Variants in GSS observed in about 807,000 individuals in gnomAD.
GSS encodes the protein GSH synthetase.
GSS carries 34 observed loss-of-function variants against 60.4 expected under a neutral mutation model. That is an observed-to-expected ratio of 0.56 (90% CI 0.43 to 0.75). The LOEUF (loss-of-function observed/expected upper bound fraction) is 0.75. Among genes scored for constraint, GSS ranks in the 30% least tolerant of loss-of-function variants. The probability of loss-of-function intolerance (pLI) is 0.00; values close to 1 mark genes in which losing one functional copy is unlikely to be tolerated. For synonymous variants in GSS, 224 were observed against 239.0 expected (o/e 0.94, Z 0.58); for missense variants, 499 against 595.1 (o/e 0.84, Z 1.68).
intron 1 of GSS, among the ~76,000 whole-genome samples, chr20:34,953,070 T>C (rs1024619369): frequency 7.9e-5 from 12 of 152,206 alleles, no homozygotes; most frequent in Admixed American, 7.9e-4. Flanking sequence ...AGTTGTCTGA[T>C]TGGTTGCCCA....
At chr20:34,950,863 G>T (rs775211472) in intron 2 of GSS, among the ~76,000 whole-genome samples, 1 of 152,134 alleles carries the variant, frequency 6.6e-6, no homozygotes, top group African/African-American at 2.4e-5. Flanking sequence ...GTAAACTCTT[G>T]TACCATTTGA....
At chr20:34,942,688 A>T in intron 4 of GSS, 61 bp from the exon 5 acceptor site, 1 of 1,484,342 alleles carries the variant, frequency 6.7e-7, no homozygotes, top group Non-Finnish European at 9.4e-7. Context: ...GGACCTAGCC[A>T]CAGAGCACAC....
intron 9 of GSS, among the ~76,000 whole-genome samples, chr20:34,934,715 C>CG (rs1412113079): frequency 6.6e-6 from 1 of 152,106 alleles, no homozygotes; most frequent in African/African-American, 2.4e-5. Context: ...GCTCAACCCT[C>CG]GGGGGGAGTC....
In GSS at chr20:34,929,584, T is replaced by C. The variant is rs1569008290; in HGVS notation, c.1118A>G (p.Asn373Ser). Reference sequence around the variant, plus strand: ...CTGTACCATTTCCTCCCCATATAGGTTGTTACCTGCAATGAAACTGGCCAG... The same window carrying C: ...CTGTACCATTTCCTCCCCATATAGGCTGTTACCTGCAATGAAACTGGCCAG... ...LKPQREGGGNNLYGEEMVQAL... is the reference protein window; with the variant it reads ...LKPQREGGGNSLYGEEMVQAL... The change falls in exon 12 of 13, where the codon AAC (asparagine) becomes AGC (serine). Residue 373 changes from asparagine (N) to serine (S), a missense_variant. By Grantham distance (46) the Asn-to-Ser change is conservative. Transcript: ENST00000651619. 6.2e-7 allele frequency: 1 copy of C among 1,613,810 alleles called. No individual in the cohort carries two copies. Among genetic ancestry groups the C allele is most frequent in the Non-Finnish European group, 8.5e-7 (1 of 1,179,732 alleles).
Position 34,931,936 on chromosome 20 carries a change from T to C in GSS, c.1029+3A>G. ...TGGTAGGAGAAACAGGCTGCCCACG[T>C]ACCACATCCAGTGAGTAGAGGCCAG... On this transcript the variant is annotated splice_donor_region_variant and intron_variant, in intron 10 of 12. Transcript: ENST00000651619. 6.2e-7 allele frequency: 1 copy of C among 1,613,578 alleles called. No homozygotes were observed. Among genetic ancestry groups the C allele is most frequent in the Non-Finnish European group, 8.5e-7 (1 of 1,179,828 alleles).
chr20:34,929,205 C>G, intron 12 of GSS, 196 bp downstream of exon 12: 1 of 698,068 alleles, frequency 1.4e-6, no homozygotes. Flanking sequence ...CATCTGATAC[C>G]CTGGTAAGGT....
At chr20:34,951,058 T>C (rs892639081) in intron 2 of GSS, among the ~76,000 whole-genome samples, 1 of 152,162 alleles carries the variant, frequency 6.6e-6, no homozygotes, top group African/African-American at 2.4e-5. Context: ...GCATGGATGT[T>C]CCCTATAATG....
At chr20:34,951,571 C>G (rs1377967773) in intron 2 of GSS, 153 bp downstream of exon 2, 1 of 847,332 alleles carries the variant, frequency 1.2e-6, no homozygotes. Context: ...AGGACACTGC[C>G]TTTTTATTTT....
rs777356635 is a variant in GSS, at chr20:34,936,851, T to C, written c.690-11A>G. The C allele has an allele frequency of 1.9e-6, 3 of 1,613,482 alleles. No individual in the cohort carries two copies. The highest frequency in any genetic ancestry group is 1.1e-5 in the South Asian group (1 of 91,066). The stretch of plus-strand genomic sequence containing the variant: ...ATCACATGGATGTTCCTGGGAAAAA[T>C]GGGCAAGAGCCAGAGGGAATGGATG... On this transcript the variant is annotated splice_polypyrimidine_tract_variant and intron_variant, in intron 7 of 12. Transcript: ENST00000651619.
chr20:34,952,474 G>A (rs138961593), intron 1 of GSS, among the ~76,000 whole-genome samples: 146 of 151,580 alleles, frequency 9.6e-4, no homozygotes, highest in African/African-American at 3.3e-3. Flanking sequence ...TCACTCAGTC[G>A]CCTAGGCTGG....
chr20:34,940,744 A>G (rs1490500302), intron 6 of GSS, among the ~76,000 whole-genome samples: 2 of 152,246 alleles, frequency 1.3e-5, no homozygotes, highest in Non-Finnish European at 2.9e-5. Flanking sequence ...AACTGTTAGT[A>G]TAGCGGCCCC....
At chr20:34,955,413 G>C (rs1018376034) in intron 1 of GSS, 8 of 152,172 alleles carry the variant, frequency 5.3e-5, no homozygotes, top group Non-Finnish European at 1.0e-4. Context: ...CCCACTTCAC[G>C]GGCCCGCTCG....
chr20:34,943,344 G>A (rs1286555725), intron 3 of GSS, among the ~76,000 whole-genome samples: 1 of 152,130 alleles, frequency 6.6e-6, no homozygotes, highest in Non-Finnish European at 1.5e-5. Flanking sequence ...TGAACATACT[G>A]CACCGAAGAA....
rs750963018 is a variant in GSS at position 34,931,384 on chromosome 20, G to A, written c.1063C>T (p.Leu355Phe). The part of the protein sequence containing the change: ...EEGDQAIAEA[L>F]AAPSRFVLKP... ...AGCACAAACCGGCTAGGGGCAGCAA[G>A]GGCCTCGGCGATGGCCTGGTCCCCT... is the stretch of plus-strand genomic sequence containing the variant. The change falls in exon 11 of 13, where the codon CTT becomes TTT. Residue 355 changes from leucine (L) to phenylalanine (F), a missense_variant. Transcript: ENST00000651619. 26 of 1,614,128 alleles carry A rather than the reference G, an allele frequency of 1.6e-5. No homozygotes were observed. The South Asian group carries it at 2.5e-4, about 16-fold the overall frequency.
chr20:34,938,206 C>T (rs1241969414), intron 6 of GSS, among the ~76,000 whole-genome samples: 1 of 152,148 alleles, frequency 6.6e-6, no homozygotes, highest in African/African-American at 2.4e-5. Flanking sequence ...TCTGTGGCTT[C>T]TTCCTGAGAC....
chr20:34,942,734 C>G (rs2081494037), intron 4 of GSS, 107 bp from the exon 5 acceptor site: 2 of 1,165,390 alleles, frequency 1.7e-6, no homozygotes, highest in East Asian at 2.4e-5. Flanking sequence ...TTAGAGGTAC[C>G]AGCAAACACT....
rs376986275 is a variant in GSS at position 34,942,939 on chromosome 20, T to C, written c.343A>G (p.Ile115Val). The C allele has an allele frequency of 2.3e-5, 37 of 1,601,190 alleles. No individual in the cohort carries two copies. Among genetic ancestry groups the C allele is most frequent in the Non-Finnish European group, 3.0e-5 (35 of 1,169,494 alleles). Residue 115 changes from isoleucine (I) to valine (V), a missense_variant, in exon 4 of 13, where the codon ATT becomes GTT. Coordinates refer to ENST00000651619, the MANE Select transcript of GSS (RefSeq NM_000178.4). ...DIHKQVLKEG[I>V]AQTVFLGLNR... ...GGGCTGGGAATGGTTACCTGGGCAA[T>C]GCCCTCTTTTAGGACTTGCTTGTGG...
intron 1 of GSS, chr20:34,954,662 TTA>T (rs2081605554): frequency 6.5e-6 from 1 of 153,776 alleles, no homozygotes; most frequent in Admixed American, 6.5e-5. Flanking sequence ...TTGGCTTTAT[TTA>T]TGTTTTGCTG....
intron 9 of GSS, 118 bp downstream of exon 9, chr20:34,935,458 T>G: frequency 6.5e-6 from 5 of 773,138 alleles, no homozygotes; most frequent in Admixed American, 1.8e-5. Flanking sequence ...GCAAGCTCCC[T>G]GAGAAAGAAG....
Sources: allele counts gnomAD v4.1 joint callset (sites outside exome capture counted in the v4.1 genomes callset), GRCh38; gene constraint gnomAD v4.1.1; transcripts MANE v1.5; gene names NCBI Gene and HGNC (gene_info 2026-07-23, HGNC 2026-07-21).